WDR19: variants seen among roughly 807,000 people sequenced by gnomAD.
WDR19 encodes the protein WD repeat-containing protein 19.
A neutral mutation model predicts 180.0 loss-of-function variants in WDR19; 121 were observed. The observed-to-expected ratio is 0.67, with a 90% confidence interval of 0.58 to 0.78. WDR19 has a LOEUF of 0.78. Among genes scored for constraint, WDR19 ranks in the 30% least tolerant of loss-of-function variants. The pLI, the probability that WDR19 is intolerant of heterozygous loss-of-function variation, is 0.00. For missense variants in WDR19, 1,450 were observed against 1,640.7 expected, an observed-to-expected ratio of 0.88 and a Z score of 2.01; for synonymous variants, 497 against 540.7, an observed-to-expected ratio of 0.92 and a Z score of 1.12.
chr4:39,240,779 A>G (rs35892930), intron 21 of WDR19, among the ~76,000 whole-genome samples: 13,063 of 151,496 alleles, frequency 0.086, 696 homozygotes, highest in East Asian at 0.21. Context: ...GTGAAACCCC[A>G]TCTCTACTAA....
In WDR19 at chr4:39,186,789, C is replaced by T. The variant is rs560469205; in HGVS notation, c.164+185C>T. ...ATATAGCATGAATTAGAGTTTCTAT[C>T]TATAAACACCCATATACTCACAGAG... On this transcript the variant is annotated intron_variant, in intron 3 of 36. Transcript: ENST00000399820. Among the ~76,000 whole-genome samples the T allele has an allele frequency of 1.6e-4, 25 of 152,256 alleles. No individual in the cohort carries two copies. The South Asian group carries it at 5.2e-3, about 32-fold the overall frequency.
chr4:39,255,329 C>T (rs1023571259), intron 26 of WDR19, among the ~76,000 whole-genome samples: 3 of 152,180 alleles, frequency 2.0e-5, no homozygotes, highest in Non-Finnish European at 4.4e-5. Context: ...CTTCCTCCAG[C>T]TGGAGGCGCA....
chr4:39,253,135 T>C lies in WDR19; in HGVS notation c.2730-11T>C, dbSNP rs1314348967. ...TGTTAAAAAAAGTTTATCTGAGCTA[T>C]TTTTTTACAGATACAAAGAAGCTGT... On this transcript the variant is annotated splice_polypyrimidine_tract_variant and intron_variant, in intron 24 of 36. Transcript: ENST00000399820. 6.4e-7 allele frequency: 1 copy of C among 1,565,662 alleles called. No homozygotes were observed. Among genetic ancestry groups the C allele is most frequent in the Non-Finnish European group, 8.6e-7 (1 of 1,161,774 alleles).
At position 39,269,965 on chromosome 4, in the gene WDR19, C is replaced by G; in HGVS notation, c.3359-11C>G. The G allele has an allele frequency of 6.2e-7, 1 of 1,612,770 alleles. No individual in the cohort carries two copies. The highest frequency in any genetic ancestry group is 1.1e-5 in the South Asian group (1 of 90,934). ...CTTTGCAGTAATGTCGTTTTACCAC[C>G]TTTTTTCAAGGCAACTACCGGAATG... On this transcript the variant is annotated splice_polypyrimidine_tract_variant and intron_variant, in intron 30 of 36. Transcript: ENST00000399820.
chr4:39,233,265 G>A (rs1731062373), intron 19 of WDR19, among the ~76,000 whole-genome samples: 1 of 152,148 alleles, frequency 6.6e-6, no homozygotes, highest in Admixed American at 6.5e-5. Context: ...TGAAGGGCCT[G>A]GTTAGTTCAA....
chr4:39,194,169 T>C (rs899929640), intron 4 of WDR19, among the ~76,000 whole-genome samples: 2 of 152,348 alleles, frequency 1.3e-5, no homozygotes, highest in African/African-American at 4.8e-5. Flanking sequence ...AATATGTTAT[T>C]GGGTGCCACT....
chr4:39,205,202 G>A lies in WDR19; in HGVS notation c.652G>A (p.Glu218Lys). The A allele has an allele frequency of 6.2e-7, 1 of 1,602,482 alleles. No homozygotes were observed. Among genetic ancestry groups the A allele is most frequent in the African/African-American group, 1.3e-5 (1 of 74,892 alleles). The part of the protein sequence containing the change: ...KKTLFFLNLN[E>K]PDNPADLEFQ... ...AACTTTGTTTTTTTTAAATCTGAAT[G>A]AACCAGATAACCCAGCTGATCTTGA... The change falls in exon 8 of 37, where the codon GAA (glutamate) becomes AAA (lysine). Residue 218 changes from glutamate (E) to lysine (K), a missense_variant. Coordinates refer to ENST00000399820, the MANE Select transcript of WDR19 (RefSeq NM_025132.4).
At chr4:39,254,083 T>G in intron 26 of WDR19, 53 bp downstream of exon 26, 3 of 1,562,860 alleles carry the variant, frequency 1.9e-6, no homozygotes, top group Non-Finnish European at 2.6e-6. Flanking sequence ...ATAAAAACAC[T>G]TTGTCTCTTA....
intron 3 of WDR19, 41 bp downstream of exon 3, chr4:39,186,645 G>T: frequency 7.3e-7 from 1 of 1,374,262 alleles, no homozygotes; most frequent in Non-Finnish European, 9.9e-7. Context: ...GTCAAGTTTT[G>T]TTGCCTAAAA....
At chr4:39,265,770 C>CAAA (rs11326526) in intron 28 of WDR19, among the ~76,000 whole-genome samples, 4 of 81,062 alleles carry the variant, frequency 4.9e-5, no homozygotes, top group African/African-American at 1.6e-4. Flanking sequence ...GACTCTGTCT[C>CAAA]AAAAAAAAAA....
At chr4:39,247,235 A>T (rs528538286) in intron 24 of WDR19, among the ~76,000 whole-genome samples, 4 of 152,206 alleles carry the variant, frequency 2.6e-5, no homozygotes, top group Non-Finnish European at 5.9e-5. Flanking sequence ...GCTGATACCC[A>T]GGCAAACAGG....
rs1560565945 is a variant in WDR19, at chr4:39,274,907, A to C, written c.3665A>C (p.Tyr1222Ser). 6 of 1,614,066 alleles carry C rather than the reference A, an allele frequency of 3.7e-6. No homozygotes were observed. Among genetic ancestry groups the C allele is most frequent in the Non-Finnish European group, 5.1e-6 (6 of 1,179,900 alleles). Residue 1222 changes from tyrosine (Y) to serine (S), a missense_variant, in exon 33 of 37, where the codon TAC (tyrosine) becomes TCC (serine). Transcript: ENST00000399820. ...SFAAMLMRPE[Y>S]RSKIDAKYKK... ...GCAGCTATGTTGATGAGGCCTGAAT[A>C]CCGCAGCAAAATAGATGCCAAATAC...
At chr4:39,262,019 A>G (rs571474487) in intron 28 of WDR19, among the ~76,000 whole-genome samples, 1 of 152,240 alleles carries the variant, frequency 6.6e-6, no homozygotes, top group Admixed American at 6.5e-5. Context: ...TCCACAATTC[A>G]TTCCCAAATT....
At chr4:39,217,389 T>C (rs1729173744) in intron 13 of WDR19, 149 bp downstream of exon 13, 1 of 644,230 alleles carries the variant, frequency 1.6e-6, no homozygotes, top group East Asian at 2.9e-5. Flanking sequence ...CCCTTCCCCT[T>C]CTATATTAGA....
At chr4:39,265,928 C>A in intron 28 of WDR19, 135 bp from the exon 29 acceptor site, 1 of 669,218 alleles carries the variant, frequency 1.5e-6, no homozygotes, top group South Asian at 2.2e-5. Flanking sequence ...GATCCTATGT[C>A]ATATTTCAGG....
chr4:39,205,330 C>T, intron 8 of WDR19, 64 bp downstream of exon 8: 1 of 1,391,602 alleles, frequency 7.2e-7, no homozygotes, highest in Non-Finnish European at 9.9e-7. Context: ...TAGGTTTTTC[C>T]TTACTAATTG....
intron 27 of WDR19, 129 bp downstream of exon 27, chr4:39,256,089 A>G: frequency 4.5e-6 from 2 of 440,484 alleles, no homozygotes; most frequent in South Asian, 2.8e-5. Context: ...TTGAAATCTC[A>G]GAGCTAACTC....
Position 39,194,570 on chromosome 4 carries a change from C to T in WDR19, c.317C>T (p.Ser106Leu). Residue 106 changes from serine to leucine, a missense_variant, in exon 5 of 37, where the codon TCA becomes TTA. Physicochemically the swap from Ser to Leu is moderately radical, Grantham distance 145. Coordinates refer to ENST00000399820, the MANE Select transcript of WDR19 (RefSeq NM_025132.4). ...MRDQMSFLLW[S>L]KVGSFLAVGT... ...GATCAAATGTCTTTCCTTCTTTGGT[C>T]AAAAGTTGGAAGTTTCCTGGCTGTT... The T allele has an allele frequency of 6.2e-7, 1 of 1,612,456 alleles. No individual in the cohort carries two copies. The highest frequency in any genetic ancestry group is 1.7e-4 in the Middle Eastern group (1 of 6,056).
chr4:39,182,695 GGTGGCC>G, intron 1 of WDR19, 132 bp downstream of exon 1: 32 of 1,349,126 alleles, frequency 2.4e-5, no homozygotes, highest in Non-Finnish European at 3.2e-5. Context: ...GAGAGAGAGA[GGTGGCC>G]AGAGAGAGCG....
Sources: gnomAD v4.1 joint callset for allele counts (sites outside exome capture counted in the v4.1 genomes callset) on GRCh38, gnomAD v4.1.1 for gene constraint, MANE v1.5 for transcripts, NCBI Gene and HGNC (gene_info 2026-07-23, HGNC 2026-07-21) for gene names.